Variants in EDNRA observed in about 807,000 individuals in gnomAD.
EDNRA encodes endothelin-1 receptor.
A neutral mutation model predicts 41.4 loss-of-function variants in EDNRA; 11 were observed. That is an observed-to-expected ratio of 0.27 (90% confidence interval 0.17 to 0.44). The LOEUF is 0.44. Ranked by LOEUF, EDNRA falls within the 20% of genes least tolerant of loss-of-function variation. EDNRA has a pLI of 1.00. For synonymous variants in EDNRA, 172 were observed against 183.0 expected, an observed-to-expected ratio of 0.94 and a Z score of 0.49; for missense variants, 294 against 531.0, an observed-to-expected ratio of 0.55 and a Z score of 4.39.
intron 2 of EDNRA, chr4:147,506,102 T>G: frequency 5.7e-6 from 3 of 523,542 alleles, no homozygotes; most frequent in South Asian, 4.2e-5. Flanking sequence ...TTCCTGAATA[T>G]TTGTCACAGC....
Position 147,486,489 on chromosome 4 carries a change from AGTTT to A in EDNRA, c.420+389_420+392del, listed in dbSNP as rs1344630924. ...AATACTTGAAACAAACATATCCTTG[AGTTT>A]AGTTACCGTTGAATATGATGCTGTT... On this transcript the variant is annotated intron_variant, in intron 2 of 7. Coordinates refer to ENST00000651419, the MANE Select transcript of EDNRA (RefSeq NM_001957.4). The surrounding 1 kb of genome is among the most constrained non-coding windows in gnomAD (Gnocchi z 4.3). Among the ~76,000 whole-genome samples, 3 of 152,176 alleles carry A rather than the reference AGTTT, an allele frequency of 2.0e-5. No individual in the cohort carries two copies. Among genetic ancestry groups the A allele is most frequent in the African/African-American group, 7.2e-5 (3 of 41,442 alleles).
chr4:147,509,483 G>A (rs1729844355), intron 2 of EDNRA, among the ~76,000 whole-genome samples: 1 of 152,108 alleles, frequency 6.6e-6, no homozygotes, highest in African/African-American at 2.4e-5. Flanking sequence ...CTAGATCAGG[G>A]GTCCTCAACC....
chr4:147,529,207 G>C (rs547222767), intron 3 of EDNRA, among the ~76,000 whole-genome samples: 11 of 152,288 alleles, frequency 7.2e-5, no homozygotes, highest in Admixed American at 3.3e-4. Context: ...GGGAACAACT[G>C]CAGAAAGGTT....
intron 4 of EDNRA, 70 bp downstream of exon 4, chr4:147,532,774 A>T: frequency 6.8e-7 from 1 of 1,480,788 alleles, no homozygotes; most frequent in Non-Finnish European, 9.4e-7. Context: ...CCATCTTGAG[A>T]CTTGATGACA....
intron 1 of EDNRA, among the ~76,000 whole-genome samples, chr4:147,481,632 G>A (rs1345328926): frequency 6.6e-6 from 1 of 152,238 alleles, no homozygotes; most frequent in Non-Finnish European, 1.5e-5. Flanking sequence ...CTCCACGTTA[G>A]GGTTTAGGAT....
chr4:147,541,067 CAAAAAAAAA>C (rs10551607), intron 7 of EDNRA, among the ~76,000 whole-genome samples: 20 of 46,170 alleles, frequency 4.3e-4, no homozygotes, highest in Admixed American at 1.2e-3. Context: ...GACTCAGTCT[CAAAAAAAAA>C]AAAAAAAAAA....
intron 4 of EDNRA, among the ~76,000 whole-genome samples, chr4:147,534,115 C>T (rs1181574200): frequency 1.3e-5 from 2 of 152,110 alleles, no homozygotes; most frequent in Non-Finnish European, 2.9e-5. Context: ...GGGCCTTTGC[C>T]ATGGAGGGGG....
intron 5 of EDNRA, among the ~76,000 whole-genome samples, chr4:147,536,839 T>G (rs778173340): frequency 2.0e-5 from 3 of 152,162 alleles, no homozygotes; most frequent in African/African-American, 4.8e-5. Flanking sequence ...AGGGCAAAAC[T>G]AGACTCATAC....
intron 1 of EDNRA, among the ~76,000 whole-genome samples, chr4:147,482,042 G>A (rs1015368587): frequency 5.3e-5 from 8 of 152,318 alleles, no homozygotes; most frequent in Admixed American, 2.0e-4. Context: ...TGATAGAGTT[G>A]GGGGTGGGAG....
chr4:147,501,363 C>T (rs1048054177), intron 2 of EDNRA, among the ~76,000 whole-genome samples: 5 of 152,214 alleles, frequency 3.3e-5, no homozygotes, highest in African/African-American at 7.2e-5. Context: ...TACAGTCTCA[C>T]ACATTTATGC....
chr4:147,542,186 G>T (rs1243964810), intron 7 of EDNRA, among the ~76,000 whole-genome samples: 1 of 152,174 alleles, frequency 6.6e-6, no homozygotes, highest in East Asian at 1.9e-4. Flanking sequence ...CCCTACCCGT[G>T]CCTGCCCCAA....
Position 147,543,592 on chromosome 4 carries a change from A to T in EDNRA, c.*974A>T, listed in dbSNP as rs1731187839. On this transcript the variant is annotated 3_prime_UTR_variant, in exon 8 of 8. Coordinates refer to ENST00000651419, the MANE Select transcript of EDNRA (RefSeq NM_001957.4). The stretch of plus-strand genomic sequence containing the variant: ...TAGAAGTCTAAAACACACCTAAGAG[A>T]AAAAGATCGAATTTTTCAGATGATT... The T allele has an allele frequency of 6.6e-6, 1 of 152,022 alleles. No individual in the cohort carries two copies. The highest frequency in any genetic ancestry group is 1.5e-5 in the Non-Finnish European group (1 of 68,038). The allele number at this position is 152,022 out of a possible 1,614,324, so 9.4% of individuals were successfully genotyped here. A position where few individuals can be genotyped will look rare whatever the true frequency, so the allele number is the denominator to read the frequency against.
chr4:147,532,325 C>CAAAAAAAA (rs59851236), intron 3 of EDNRA, among the ~76,000 whole-genome samples, 181 bp from the exon 4 acceptor site: 18 of 60,390 alleles, frequency 3.0e-4, no homozygotes, highest in African/African-American at 8.2e-4. Flanking sequence ...GATTTTGCCT[C>CAAAAAAAA]AAAAAAAAAA....
chr4:147,536,918 A>T (rs1730940330), intron 5 of EDNRA, among the ~76,000 whole-genome samples: 1 of 152,206 alleles, frequency 6.6e-6, no homozygotes, highest in African/African-American at 2.4e-5. Context: ...TATGTATGTA[A>T]TAATACATCA....
intron 2 of EDNRA, among the ~76,000 whole-genome samples, chr4:147,512,263 C>T (rs1410753561): frequency 6.6e-6 from 1 of 152,220 alleles, no homozygotes; most frequent in African/African-American, 2.4e-5. Flanking sequence ...GACTGAGATT[C>T]TCAGGGGTGA....
chr4:147,505,792 G>T (rs1000290330), intron 2 of EDNRA, among the ~76,000 whole-genome samples: 5 of 151,330 alleles, frequency 3.3e-5, no homozygotes, highest in African/African-American at 1.2e-4. Flanking sequence ...GGGACCACAG[G>T]TGCCCGCCAC....
chr4:147,496,709 T>C (rs897843415), intron 2 of EDNRA, among the ~76,000 whole-genome samples: 18 of 152,240 alleles, frequency 1.2e-4, no homozygotes, highest in South Asian at 4.1e-4. Context: ...TGTGTCTGGC[T>C]TGTCTTACTC....
At chr4:147,539,442 G>A (rs1290461766) in intron 5 of EDNRA, among the ~76,000 whole-genome samples, 1 of 151,502 alleles carries the variant, frequency 6.6e-6, no homozygotes, top group African/African-American at 2.4e-5. Flanking sequence ...CCCCCATGCA[G>A]TCACACTCCA....
chr4:147,540,549 C>T, intron 7 of EDNRA, 64 bp downstream of exon 7: 2 of 1,105,370 alleles, frequency 1.8e-6, no homozygotes, highest in Admixed American at 4.4e-5. Context: ...AGTCAACAGA[C>T]ACAGCCAATT....
Sources: gnomAD v4.1 joint callset for allele counts (sites outside exome capture counted in the v4.1 genomes callset) on GRCh38, gnomAD v4.1.1 for gene constraint, Gnocchi (gnomAD v3.1) non-coding constraint, MANE v1.5 for transcripts, NCBI Gene and HGNC (gene_info 2026-07-23, HGNC 2026-07-21) for gene names.